FOXP1: variants seen among roughly 807,000 people sequenced by gnomAD.
FOXP1 encodes the protein forkhead box protein P1.
A neutral mutation model predicts 98.2 loss-of-function variants in FOXP1; 15 were observed. That is an observed-to-expected ratio of 0.15 (90% CI 0.10 to 0.24). The LOEUF is 0.24. FOXP1 is among the 10% of genes least tolerant of loss of function. The probability of loss-of-function intolerance (pLI) is 1.00; values close to 1 mark genes in which losing one functional copy is unlikely to be tolerated. For missense variants in FOXP1, 633 were observed against 848.5 expected (o/e 0.75, Z 3.15); for synonymous variants, 371 against 314.5 (o/e 1.18, Z -1.90).
chr3:71,390,281 A>G (rs2080933939), intron 3 of FOXP1, among the ~76,000 whole-genome samples: 1 of 152,164 alleles, frequency 6.6e-6, no homozygotes, highest in South Asian at 2.1e-4. Flanking sequence ...ACTTTTCAGA[A>G]AAAGAAAAAA....
chr3:71,174,801 C>T (rs1471398368), intron 6 of FOXP1, among the ~76,000 whole-genome samples: 1 of 150,906 alleles, frequency 6.6e-6, no homozygotes, highest in African/African-American at 2.5e-5. Flanking sequence ...CACACACACA[C>T]ACACACACAC....
chr3:71,095,527 T>G (rs566188771), intron 7 of FOXP1, among the ~76,000 whole-genome samples: 86 of 152,272 alleles, frequency 5.6e-4, no homozygotes, highest in African/African-American at 2.0e-3. Context: ...CACTGGCAGT[T>G]TTTTCTTTCC....
rs528200150 is a variant in FOXP1, at chr3:71,284,527, A to G, written c.-12+15293T>C. Among the ~76,000 whole-genome samples, 8 of 152,304 alleles carry G rather than the reference A, an allele frequency of 5.3e-5. No individual in the cohort carries two copies. In the East Asian group the frequency reaches 1.2e-3, roughly 22 times the overall value. Reference sequence around the variant, plus strand: ...GTAGTGAGCTATAATCATCACTACAATCCAGCCTGGGTAATGGAGGAGACC... The same window carrying G: ...GTAGTGAGCTATAATCATCACTACAGTCCAGCCTGGGTAATGGAGGAGACC... On this transcript the variant is annotated intron_variant, in intron 5 of 20. Coordinates refer to ENST00000649528, the MANE Select transcript of FOXP1 (RefSeq NM_001349338.3).
chr3:71,365,951 G>A (rs773082888), intron 3 of FOXP1, among the ~76,000 whole-genome samples: 4 of 152,104 alleles, frequency 2.6e-5, no homozygotes, highest in Admixed American at 6.6e-5. Flanking sequence ...CCAGCCTGGC[G>A]ACAGGGCAAG....
At chr3:71,431,960 G>A (rs529226637) in intron 3 of FOXP1, among the ~76,000 whole-genome samples, 2 of 152,326 alleles carry the variant, frequency 1.3e-5, no homozygotes, top group Admixed American at 6.5e-5. Flanking sequence ...GCCCCTGGGT[G>A]TCATTCTGTG....
At chr3:71,305,052 G>A (rs2074159953) in intron 4 of FOXP1, among the ~76,000 whole-genome samples, 1 of 152,084 alleles carries the variant, frequency 6.6e-6, no homozygotes. Flanking sequence ...CAAAAAGAAA[G>A]CAGAATACCC....
chr3:71,528,433 C>G (rs2043569343), intron 2 of FOXP1, among the ~76,000 whole-genome samples: 1 of 152,206 alleles, frequency 6.6e-6, no homozygotes, highest in Non-Finnish European at 1.5e-5. Context: ...ACTTGATTGA[C>G]TTCCACAGAG....
intron 3 of FOXP1, among the ~76,000 whole-genome samples, chr3:71,475,677 T>C (rs147558120): frequency 6.6e-6 from 1 of 152,116 alleles, no homozygotes; most frequent in African/African-American, 2.4e-5. Context: ...ACTCCATCTC[T>C]ACTAATAATA....
intron 7 of FOXP1, among the ~76,000 whole-genome samples, chr3:71,083,399 A>T (rs1402938525): frequency 6.6e-6 from 1 of 152,058 alleles, no homozygotes; most frequent in Non-Finnish European, 1.5e-5. Context: ...AGCCAAATAA[A>T]CCTCTTTTCT....
intron 1 of FOXP1, chr3:71,582,649 G>A: frequency 1.0e-6 from 1 of 985,426 alleles, no homozygotes; most frequent in Non-Finnish European, 1.2e-6. Context: ...TGGTGGGAGA[G>A]AGATCCGGGC....
At chr3:71,242,177 G>A (rs765376424) in intron 5 of FOXP1, among the ~76,000 whole-genome samples, 9 of 152,226 alleles carry the variant, frequency 5.9e-5, no homozygotes, top group Non-Finnish European at 1.2e-4. Context: ...GGACATGTTC[G>A]GTAACATGCT....
At chr3:71,177,852 T>A (rs1485244207) in intron 6 of FOXP1, among the ~76,000 whole-genome samples, 1 of 146,990 alleles carries the variant, frequency 6.8e-6, no homozygotes, top group Non-Finnish European at 1.5e-5. Flanking sequence ...TTTTTTTTTT[T>A]TTTTTTTGAG....
At chr3:71,483,712 T>C (rs2090454347) in intron 3 of FOXP1, among the ~76,000 whole-genome samples, 1 of 152,178 alleles carries the variant, frequency 6.6e-6, no homozygotes, top group South Asian at 2.1e-4. Context: ...AAGCCTAAAA[T>C]GTTTACTATC....
chr3:71,141,963 A>G (rs1014419058), intron 6 of FOXP1, among the ~76,000 whole-genome samples: 4 of 152,240 alleles, frequency 2.6e-5, no homozygotes, highest in African/African-American at 9.6e-5. Flanking sequence ...AGAAAGCATG[A>G]AACAGTGCTT....
At chr3:71,329,943 G>A (rs984435069) in intron 4 of FOXP1, 1 of 151,434 alleles carries the variant, frequency 6.6e-6, no homozygotes, top group Non-Finnish European at 1.5e-5. Context: ...ATAGTGGCTT[G>A]TGCCTGTAAT....
rs548035206 is a variant in FOXP1 at position 71,340,867 on chromosome 3, C to T, written c.-73+18283G>A. Among the ~76,000 whole-genome samples the T allele has an allele frequency of 3.3e-5, 5 of 152,278 alleles. No homozygotes were observed. The South Asian group carries it at 1.0e-3, about 32-fold the overall frequency. On this transcript the variant is annotated intron_variant, in intron 4 of 20. Transcript: ENST00000649528. ...CAGAGAGTGTTTTAATTCTTAAACACTAAAGCTGAATGAAGTTCTGAGAGT... is the reference window on the plus strand; with the variant it reads ...CAGAGAGTGTTTTAATTCTTAAACATTAAAGCTGAATGAAGTTCTGAGAGT...
At chr3:71,481,577 T>A (rs1699763892) in intron 3 of FOXP1, among the ~76,000 whole-genome samples, 1 of 152,244 alleles carries the variant, frequency 6.6e-6, no homozygotes, top group African/African-American at 2.4e-5. Flanking sequence ...TGTGAAATCA[T>A]GATATTTGCA....
intron 3 of FOXP1, among the ~76,000 whole-genome samples, chr3:71,398,352 C>G (rs2081701389): frequency 6.6e-6 from 1 of 152,142 alleles, no homozygotes; most frequent in African/African-American, 2.4e-5. Context: ...GGGATTTTCC[C>G]TCTTTGAAAC....
chr3:71,123,539 G>GA (rs1408025423), intron 6 of FOXP1, among the ~76,000 whole-genome samples: 1 of 152,108 alleles, frequency 6.6e-6, no homozygotes, highest in Non-Finnish European at 1.5e-5. Context: ...GCAAATAATA[G>GA]AAAAGCAGAG....
Sources: gnomAD v4.1 joint callset for allele counts (sites outside exome capture counted in the v4.1 genomes callset) on GRCh38, gnomAD v4.1.1 for gene constraint, MANE v1.5 for transcripts, NCBI Gene and HGNC (gene_info 2026-07-23, HGNC 2026-07-21) for gene names.